The following GRB7 variants were observed in gnomAD, a reference collection of about 807,000 sequenced individuals.
GRB7 encodes the protein growth factor receptor bound protein 7.
A neutral mutation model predicts 64.1 loss-of-function variants in GRB7; 47 were observed. The observed-to-expected ratio is 0.73, with a 90% CI of 0.58 to 0.94. The LOEUF (loss-of-function observed/expected upper bound fraction) is 0.94, where lower values mean the gene tolerates loss of function less well. Among genes scored for constraint, GRB7 ranks in the 40% least tolerant of loss-of-function variants. The pLI is 0.00. For missense variants in GRB7, 634 were observed against 718.4 expected (o/e 0.88, Z 1.34); for synonymous variants, 277 against 279.9 (o/e 0.99, Z 0.10).
intron 1 of GRB7, 83 bp from the exon 2 acceptor site, chr17:39,742,169 T>G: frequency 1.1e-6 from 1 of 903,574 alleles, no homozygotes; most frequent in Non-Finnish European, 1.8e-6. Context: ...GTTAGAGCAG[T>G]GAGGTGCTAG....
In GRB7 at chr17:39,744,591, G is replaced by A. The variant is rs759635704; in HGVS notation, c.840G>A (p.Glu280=). 6.2e-7 allele frequency: 1 copy of A among 1,612,206 alleles called. No homozygotes were observed. The highest frequency in any genetic ancestry group is 1.1e-5 in the South Asian group (1 of 90,642). Residue 280 remains glutamate, a synonymous_variant, in exon 8 of 15, where the codon GAG becomes GAA. Coordinates refer to ENST00000309156, the MANE Select transcript of GRB7 (RefSeq NM_005310.5). The stretch of plus-strand genomic sequence containing the variant: ...TGCAGTACGTGGCAGATGTGAACGA[G>A]TCCAACGTGTACGTGGTGACGCAGG... The part of the protein sequence containing the change: ...RHLQYVADVN[E]SNVYVVTQGR...
chr17:39,745,914 C>T lies in GRB7; in HGVS notation c.1272C>T (p.Ala424=). Residue 424 remains alanine (A), a splice_region_variant and synonymous_variant, in exon 13 of 15, where the codon GCC becomes GCT. Transcript: ENST00000309156. ...MPASGTSLSA[A]IHRTQLWFHG... is the part of the protein sequence containing the mutation. ...CGCCCATGTCCTTCCCCACCACAGCCATCCACCGCACCCAACTCTGGTTCC... is the reference window on the plus strand; with the variant it reads ...CGCCCATGTCCTTCCCCACCACAGCTATCCACCGCACCCAACTCTGGTTCC... 2 of 1,614,006 alleles carry T rather than the reference C, an allele frequency of 1.2e-6. No individual in the cohort carries two copies. The highest frequency in any genetic ancestry group is 1.7e-6 in the Non-Finnish European group (2 of 1,179,906).
intron 10 of GRB7, 22 bp from the exon 11 acceptor site, chr17:39,745,400 T>A: frequency 6.2e-7 from 1 of 1,612,452 alleles, no homozygotes; most frequent in South Asian, 1.1e-5. Flanking sequence ...TTCTGACCTC[T>A]CTCCTCTCCT....
chr17:39,743,320 T>C lies in GRB7; in HGVS notation c.585+19T>C. 1 of 1,614,168 alleles carries C rather than the reference T, an allele frequency of 6.2e-7. No homozygotes were observed. Among genetic ancestry groups the C allele is most frequent in the Non-Finnish European group, 8.5e-7 (1 of 1,180,014 alleles). On this transcript the variant is annotated intron_variant, in intron 5 of 14. Transcript: ENST00000309156. ...CTCCCCAGTGAGTGCATGAGGGCTG[T>C]CTGGGCGCTGGGATGCCCTGATCCT...
chr17:39,742,527 C>T, intron 2 of GRB7, 39 bp from the exon 3 acceptor site: 1 of 1,613,530 alleles, frequency 6.2e-7, no homozygotes, highest in South Asian at 1.1e-5. Flanking sequence ...GCCACTGCTC[C>T]CTTCCCCACA....
Position 39,744,883 on chromosome 17 carries a change from C to T in GRB7, c.913-3C>T. 1 of 1,612,816 alleles carries T rather than the reference C, an allele frequency of 6.2e-7. No homozygotes were observed. Among genetic ancestry groups the T allele is most frequent in the Non-Finnish European group, 8.5e-7 (1 of 1,178,808 alleles). On this transcript the variant is annotated splice_region_variant and splice_polypyrimidine_tract_variant and intron_variant, in intron 8 of 14. Coordinates refer to ENST00000309156, the MANE Select transcript of GRB7 (RefSeq NM_005310.5). ...GGGACCAGTCAATTTCCTCTCTCTG[C>T]AGCCCAACAAGCTTCGAAATGGCCA...
intron 7 of GRB7, 113 bp downstream of exon 7, chr17:39,744,320 C>A: frequency 1.6e-6 from 2 of 1,276,520 alleles, no homozygotes; most frequent in Non-Finnish European, 2.2e-6. Flanking sequence ...CCCAGGCCAG[C>A]CACCTCCAGT....
chr17:39,742,148 G>A, intron 1 of GRB7, 104 bp from the exon 2 acceptor site: 1 of 779,494 alleles, frequency 1.3e-6, no homozygotes, highest in South Asian at 1.5e-5. Context: ...AAGGGCTTCA[G>A]GGAAACTCCA....
intron 1 of GRB7, chr17:39,739,912 C>G: frequency 1.2e-6 from 1 of 825,856 alleles, no homozygotes. Flanking sequence ...TTGGTCTTGA[C>G]GATTCCACCC....
At chr17:39,745,698 G>A (rs776193545) in intron 11 of GRB7, 30 bp from the exon 12 acceptor site, 35 of 1,611,562 alleles carry the variant, frequency 2.2e-5, no homozygotes, top group South Asian at 1.5e-4. Flanking sequence ...AGCACGCCCC[G>A]ACTCTCCCGT....
Position 39,742,713 on chromosome 17 carries a change from C to T in GRB7, c.303C>T (p.Pro101=). ...TGCTCCCCCGCGATGCCAGCCGCCC[C>T]CATGTGAGTTGTCCCTCAGAAGGGA... The part of the protein sequence containing the change: ...RGLLPRDASR[P]HVVKVYSEDG... The change falls in exon 3 of 15, where the codon CCC becomes CCT. Residue 101 remains proline, a synonymous_variant. Transcript: ENST00000309156. 2 of 1,555,500 alleles carry T rather than the reference C, an allele frequency of 1.3e-6. No homozygotes were observed. The highest frequency in any genetic ancestry group is 2.3e-5 in the East Asian group (1 of 44,416).
chr17:39,743,473 G>C lies in GRB7; in HGVS notation c.663+3G>C, dbSNP rs759939838. On this transcript the variant is annotated splice_donor_region_variant and intron_variant, in intron 6 of 14. Coordinates refer to ENST00000309156, the MANE Select transcript of GRB7 (RefSeq NM_005310.5). ...TATCCCATGAAGACCTCATCCAGGT[G>C]GGGGGACCCCCCATTTCACTGCAGA... The C allele has an allele frequency of 1.2e-6, 2 of 1,612,632 alleles. No homozygotes were observed. Among genetic ancestry groups the C allele is most frequent in the Non-Finnish European group, 1.7e-6 (2 of 1,178,680 alleles).
At chr17:39,745,650 A>G in intron 11 of GRB7, 78 bp from the exon 12 acceptor site, 1 of 1,573,278 alleles carries the variant, frequency 6.4e-7, no homozygotes, top group South Asian at 1.1e-5. Flanking sequence ...GCTGGGAAGA[A>G]GTGCTCTACC....
intron 6 of GRB7, 66 bp downstream of exon 6, chr17:39,743,536 C>T: frequency 1.6e-6 from 2 of 1,288,806 alleles, no homozygotes; most frequent in South Asian, 2.4e-5. Context: ...CTTCTCCACC[C>T]TTAAGTCCTG....
At chr17:39,742,523 G>T (rs1485815856) in intron 2 of GRB7, 43 bp from the exon 3 acceptor site, 3 of 1,613,050 alleles carry the variant, frequency 1.9e-6, no homozygotes, top group African/African-American at 2.7e-5. Flanking sequence ...GCAGGCCACT[G>T]CTCCCTTCCC....
chr17:39,739,030 G>GGC, intron 1 of GRB7: 1 of 907,882 alleles, frequency 1.1e-6, no homozygotes, highest in Non-Finnish European at 1.6e-6. Context: ...TGGGGTGGGG[G>GGC]ATAGCAGATG....
In GRB7 at chr17:39,743,948, G is replaced by A. The variant is rs879175624; in HGVS notation, c.664-122G>A. 118 of 1,268,118 alleles carry A rather than the reference G, an allele frequency of 9.3e-5. No individual in the cohort carries two copies. In the South Asian group the frequency reaches 1.3e-3, roughly 14 times the overall value. 78.6% of individuals were successfully genotyped at this position (1,268,118 alleles called of 1,614,324 possible). A position where few individuals can be genotyped will look rare whatever the true frequency, so the allele number is the denominator to read the frequency against. On this transcript the variant is annotated intron_variant, in intron 6 of 14. Coordinates refer to ENST00000309156, the MANE Select transcript of GRB7 (RefSeq NM_005310.5). ...GTCGAGGTTGCAGTGAGCTGTGATCGTGCCACCGCACTAGCATGAGACCCT... is the reference window on the plus strand; with the variant it reads ...GTCGAGGTTGCAGTGAGCTGTGATCATGCCACCGCACTAGCATGAGACCCT...
chr17:39,746,648 AAAAAG>A, intron 14 of GRB7, 98 bp from the exon 15 acceptor site: 1 of 906,854 alleles, frequency 1.1e-6, no homozygotes, highest in Non-Finnish European at 1.6e-6. Context: ...AAGAAAAAGA[AAAAAG>A]AAAAGAATAA....
chr17:39,739,018 A>G, intron 1 of GRB7: 5 of 495,874 alleles, frequency 1.0e-5, no homozygotes, highest in Non-Finnish European at 1.7e-5. Flanking sequence ...GCCTGGGGAG[A>G]GTGGGGTGGG....
Sources: gnomAD v4.1 joint callset for allele counts on GRCh38, gnomAD v4.1.1 for gene constraint, MANE v1.5 for transcripts, NCBI Gene and HGNC (gene_info 2026-07-23, HGNC 2026-07-21) for gene names.